The following FOXK1 variants were observed in gnomAD, a reference collection of about 807,000 sequenced individuals.
FOXK1 encodes the protein forkhead box K1.
In FOXK1, 19 loss-of-function variants were observed where a neutral mutation model predicts 51.9. The ratio of observed to expected loss-of-function variants is 0.37; its 90% CI spans 0.26 to 0.54. The LOEUF is 0.54. FOXK1 is among the 20% of genes least tolerant of loss of function. The pLI is 0.87. For synonymous variants in FOXK1, 537 were observed against 482.6 expected (o/e 1.11, Z -1.48); for missense variants, 870 against 1,032.7 (o/e 0.84, Z 2.16).
intron 1 of FOXK1, among the ~76,000 whole-genome samples, chr7:4,684,455 G>C (rs570321133): frequency 6.6e-6 from 1 of 152,346 alleles, no homozygotes; most frequent in Admixed American, 6.5e-5. Context: ...CCCTTGGGGC[G>C]TGAGAGGGGA....
At chr7:4,714,342 G>T (rs550340926) in intron 1 of FOXK1, among the ~76,000 whole-genome samples, 2 of 152,048 alleles carry the variant, frequency 1.3e-5, no homozygotes, top group Non-Finnish European at 2.9e-5. Context: ...GCAATGGCGC[G>T]ATCTCAGCTC....
rs1780851314 is a variant in FOXK1 at position 4,756,220 on chromosome 7, T to G, written c.1051-774T>G. 6.6e-6 allele frequency among the ~76,000 whole-genome samples: 1 copy of G among 152,140 alleles called. No individual in the cohort carries two copies. Among genetic ancestry groups the G allele is most frequent in the African/African-American group, 2.4e-5 (1 of 41,446 alleles). ...ACCTTCGCCTCCCAGGTTCAAGCGA[T>G]TCTTCTGCTTCAGCCTCCCAAGTAG... On this transcript the variant is annotated intron_variant, in intron 4 of 8. Transcript: ENST00000328914. This position sits in a 1 kb window ranked among gnomAD's most constrained non-coding sequence, Gnocchi z 4.1.
intron 1 of FOXK1, among the ~76,000 whole-genome samples, chr7:4,701,175 C>G (rs1020900343): frequency 1.3e-5 from 2 of 152,150 alleles, no homozygotes; most frequent in Non-Finnish European, 1.5e-5. Context: ...GAAGGCTGCA[C>G]GATCAGAGCT....
rs1779770975 is a variant in FOXK1, at chr7:4,682,934, C to T, written c.560+66C>T. On this transcript the variant is annotated intron_variant, in intron 1 of 8. Transcript: ENST00000328914. The surrounding 1 kb of genome is among the most constrained non-coding windows in gnomAD (Gnocchi z 7.6). ...CGCCCACGACCTCGATCTCTGAGGC[C>T]CGGGCCTGGGGATCCCCCTCCAGCT... 7.2e-7 allele frequency: 1 copy of T among 1,379,830 alleles called. No homozygotes were observed. Among genetic ancestry groups the T allele is most frequent in the Non-Finnish European group, 9.5e-7 (1 of 1,057,004 alleles). The allele number at this position is 1,379,830 out of a possible 1,614,324, so 85.5% of individuals were successfully genotyped here.
chr7:4,698,015 G>C (rs1216242009), intron 1 of FOXK1, among the ~76,000 whole-genome samples: 1 of 151,910 alleles, frequency 6.6e-6, no homozygotes, highest in Non-Finnish European at 1.5e-5. Context: ...AGTAGAGATG[G>C]GGTTTCACCA....
At chr7:4,705,407 C>T (rs1404162319) in intron 1 of FOXK1, among the ~76,000 whole-genome samples, 4 of 152,040 alleles carry the variant, frequency 2.6e-5, no homozygotes, top group Non-Finnish European at 5.9e-5. Flanking sequence ...GTCTTGAACT[C>T]GTGGGCTCAA....
intron 1 of FOXK1, among the ~76,000 whole-genome samples, chr7:4,717,508 G>A (rs1226614289): frequency 6.6e-6 from 1 of 151,332 alleles, no homozygotes; most frequent in Non-Finnish European, 1.5e-5. Flanking sequence ...GTATGGCTGG[G>A]AGGTGCCTGG....
At chr7:4,750,862 G>A (rs770056082) in intron 2 of FOXK1, among the ~76,000 whole-genome samples, 3 of 151,828 alleles carry the variant, frequency 2.0e-5, no homozygotes, top group African/African-American at 7.3e-5. Context: ...GCACCACCAC[G>A]TCTGGCTGAT....
At position 4,707,850 on chromosome 7, in the gene FOXK1, A is replaced by G. The variant is rs532242965; in HGVS notation, c.560+24982A>G. On this transcript the variant is annotated intron_variant, in intron 1 of 8. Transcript: ENST00000328914. The surrounding 1 kb of genome is among the most constrained non-coding windows in gnomAD (Gnocchi z 4.1). ...TAGGGCCCGCCACCGTGTCCGGCTA[A>G]TTTTTGTATTTTTAGTAGAGATGGG... Among the ~76,000 whole-genome samples, 6 of 151,996 alleles carry G rather than the reference A, an allele frequency of 3.9e-5. No individual in the cohort carries two copies. Among genetic ancestry groups the G allele is most frequent in the Admixed American group, 2.0e-4 (3 of 15,250 alleles).
chr7:4,693,899 C>T (rs1269866216), intron 1 of FOXK1, among the ~76,000 whole-genome samples: 1 of 151,850 alleles, frequency 6.6e-6, no homozygotes, highest in Non-Finnish European at 1.5e-5. Flanking sequence ...AGTTTTTTTT[C>T]TGTAGAGACA....
Position 4,762,705 on chromosome 7 carries a change from C to A in FOXK1, c.*241C>A. The A allele has an allele frequency of 3.7e-6, 2 of 539,334 alleles. No homozygotes were observed. The highest frequency in any genetic ancestry group is 4.7e-5 in the South Asian group (2 of 42,770). 33.4% of individuals were successfully genotyped at this position (539,334 alleles called of 1,614,324 possible). A position where few individuals can be genotyped will look rare whatever the true frequency, so the allele number is the denominator to read the frequency against. On this transcript the variant is annotated 3_prime_UTR_variant, in exon 9 of 9. Coordinates refer to ENST00000328914, the MANE Select transcript of FOXK1 (RefSeq NM_001037165.2). This position sits in a 1 kb window ranked among gnomAD's most constrained non-coding sequence, Gnocchi z 5.7. The stretch of plus-strand genomic sequence containing the variant: ...TATGATTCTGGGAATTCTTTGCTTT[C>A]CTTTCCTTCTCCCTCGGCACCACCT...
chr7:4,754,852 C>T lies in FOXK1; in HGVS notation c.903+237C>T, dbSNP rs150249051. 1,036 of 611,880 alleles carry T rather than the reference C, an allele frequency of 1.7e-3. 9 individuals carry two copies. In the African/African-American group the frequency reaches 0.017, roughly 10 times the overall value. The allele number at this position is 611,880 out of a possible 1,614,324, so 37.9% of individuals were successfully genotyped here. A position where few individuals can be genotyped will look rare whatever the true frequency, so the allele number is the denominator to read the frequency against. ...GGGGTGGCGCCGTCACCGAGGGCCCCTCCCGCCACGCTCCTTGTTCATCTG... is the reference window on the plus strand; with the variant it reads ...GGGGTGGCGCCGTCACCGAGGGCCCTTCCCGCCACGCTCCTTGTTCATCTG... On this transcript the variant is annotated intron_variant, in intron 3 of 8. Coordinates refer to ENST00000328914, the MANE Select transcript of FOXK1 (RefSeq NM_001037165.2).
In FOXK1 at chr7:4,682,611, C is replaced by T. The variant is rs769906305; in HGVS notation, c.303C>T (p.Ser101=). The change falls in exon 1 of 9, where the codon AGC becomes AGT. Residue 101 remains serine, a synonymous_variant. Transcript: ENST00000328914. This position sits in a 1 kb window ranked among gnomAD's most constrained non-coding sequence, Gnocchi z 7.6. The part of the protein sequence containing the change: ...VAAAAASVRQ[S]PGPALARLEG... ...CGGCGGCCGCCTCGGTACGGCAGAG[C>T]CCGGGGCCGGCGCTGGCGCGGCTGG... 4 of 1,505,982 alleles carry T rather than the reference C, an allele frequency of 2.7e-6. No individual in the cohort carries two copies. The African/African-American group carries it at 5.8e-5, about 22-fold the overall frequency. The allele number at this position is 1,505,982 out of a possible 1,614,324, so 93.3% of individuals were successfully genotyped here.
chr7:4,753,848 T>C lies in FOXK1; in HGVS notation c.747-611T>C, dbSNP rs1464891987. On this transcript the variant is annotated intron_variant, in intron 2 of 8. Coordinates refer to ENST00000328914, the MANE Select transcript of FOXK1 (RefSeq NM_001037165.2). The surrounding 1 kb of genome is among the most constrained non-coding windows in gnomAD (Gnocchi z 4.9). ...GTCACTCCCAGCCATCTGTGGTTGC[T>C]CCAGCCTGGGAGGGAGAGGGGATGA... 6.6e-6 allele frequency among the ~76,000 whole-genome samples: 1 copy of C among 151,970 alleles called. No individual in the cohort carries two copies. The highest frequency in any genetic ancestry group is 1.5e-5 in the Non-Finnish European group (1 of 67,966).
Position 4,770,381 on chromosome 7 carries a change from A to C in FOXK1, c.*7917A>C, listed in dbSNP as rs1020874972. The C allele has an allele frequency of 6.6e-6, 1 of 152,154 alleles. No individual in the cohort carries two copies. Among genetic ancestry groups the C allele is most frequent in the African/African-American group, 2.4e-5 (1 of 41,434 alleles). The allele number at this position is 152,154 out of a possible 1,614,324, so 9.4% of individuals were successfully genotyped here. On this transcript the variant is annotated 3_prime_UTR_variant, in exon 9 of 9. Coordinates refer to ENST00000328914, the MANE Select transcript of FOXK1 (RefSeq NM_001037165.2). ...CCTGTCTCTACTAAAAATACAAAAA[A>C]TTAGCCAGGCGTGGTGGCGTGTGCC...
intron 1 of FOXK1, among the ~76,000 whole-genome samples, chr7:4,685,902 C>A (rs1779812226): frequency 6.6e-6 from 1 of 150,898 alleles, no homozygotes; most frequent in South Asian, 2.1e-4. Flanking sequence ...GAGATCACGC[C>A]ACTGCACTCC....
At chr7:4,721,535 A>C (rs1780310214) in intron 1 of FOXK1, among the ~76,000 whole-genome samples, 1 of 150,980 alleles carries the variant, frequency 6.6e-6, no homozygotes, top group African/African-American at 2.4e-5. Flanking sequence ...CAATGATAAG[A>C]GCTCACAGAT....
intron 2 of FOXK1, among the ~76,000 whole-genome samples, chr7:4,742,133 G>A (rs972985250): frequency 5.3e-5 from 8 of 152,250 alleles, no homozygotes; most frequent in Admixed American, 2.6e-4. Flanking sequence ...TGCGTCGCTC[G>A]CGCGTCACCA....
chr7:4,697,463 G>T (rs1204755298), intron 1 of FOXK1, among the ~76,000 whole-genome samples: 3 of 152,194 alleles, frequency 2.0e-5, no homozygotes, highest in Non-Finnish European at 2.9e-5. Flanking sequence ...GTTAAGTGCT[G>T]TCTGTGGCTG....
Sources: allele counts gnomAD v4.1 joint callset (sites outside exome capture counted in the v4.1 genomes callset), GRCh38; gene constraint gnomAD v4.1.1; non-coding constraint Gnocchi (gnomAD v3.1); transcripts MANE v1.5; gene names NCBI Gene and HGNC (gene_info 2026-07-23, HGNC 2026-07-21).